The following DAPK2 variants were observed in gnomAD, a reference collection of about 807,000 sequenced individuals.
DAPK2 encodes the protein death-associated protein kinase 2.
Under a neutral mutation model 44.1 loss-of-function variants are expected in DAPK2, and 35 were observed. The observed-to-expected ratio is 0.79, with a 90% CI of 0.61 to 1.05. DAPK2 has a LOEUF of 1.05. DAPK2 is among the 50% of genes least tolerant of loss of function. The pLI is 0.00. For synonymous variants in DAPK2, 174 were observed against 182.6 expected, an observed-to-expected ratio of 0.95 and a Z score of 0.38; for missense variants, 453 against 483.2, an observed-to-expected ratio of 0.94 and a Z score of 0.59.
At chr15:64,004,346 G>A (rs2079171752) in intron 1 of DAPK2, among the ~76,000 whole-genome samples, 1 of 152,156 alleles carries the variant, frequency 6.6e-6, no homozygotes, top group Non-Finnish European at 1.5e-5. Context: ...GGTGCTGTGT[G>A]TTCCCATCAG....
rs114761548 is a variant in DAPK2 at position 63,992,633 on chromosome 15, C to T, written c.93-8879G>A. On this transcript the variant is annotated intron_variant, in intron 1 of 10. Coordinates refer to ENST00000261891, the Ensembl canonical transcript of DAPK2. ...TGTGGAGGCCCCAAATAACCTCTCA[C>T]CTTCACTCCCTCCCTATCAGGTTGT... Among the ~76,000 whole-genome samples the T allele has an allele frequency of 3.7e-3, 561 of 152,284 alleles. 3 individuals are homozygous for T. The highest frequency in any genetic ancestry group is 0.013 in the African/African-American group (539 of 41,552).
intron 3 of DAPK2, among the ~76,000 whole-genome samples, chr15:63,965,951 G>A (rs1205242045): frequency 6.6e-6 from 1 of 152,218 alleles, no homozygotes; most frequent in East Asian, 1.9e-4. Context: ...CTACCCCACT[G>A]TGGTCAAGCT....
At chr15:64,017,977 C>A (rs2141061839) in intron 1 of DAPK2, among the ~76,000 whole-genome samples, 1 of 152,312 alleles carries the variant, frequency 6.6e-6, no homozygotes, top group African/African-American at 2.4e-5. Context: ...CAAGGCACGA[C>A]TCTAGAGAAC....
At chr15:63,959,276 A>G (rs1595800548) in intron 3 of DAPK2, among the ~76,000 whole-genome samples, 1 of 152,134 alleles carries the variant, frequency 6.6e-6, no homozygotes, top group African/African-American at 2.4e-5. Context: ...GGGTTTTCTA[A>G]ATATACAATC....
At chr15:63,950,590 A>T (rs965488618) in intron 3 of DAPK2, among the ~76,000 whole-genome samples, 4 of 152,248 alleles carry the variant, frequency 2.6e-5, no homozygotes, top group East Asian at 1.9e-4. Context: ...TATTTTTTTT[A>T]TTTTTTATTT....
intron 6 of DAPK2, 60 bp from the exon 8 acceptor site, chr15:63,926,153 C>T (rs1030747442): frequency 7.8e-6 from 12 of 1,544,832 alleles, no homozygotes; most frequent in Admixed American, 3.7e-5. Flanking sequence ...ATGGGGATTA[C>T]GGACTCGGGG....
intron 1 of DAPK2, among the ~76,000 whole-genome samples, chr15:64,018,348 T>A (rs1282814022): frequency 6.6e-6 from 1 of 152,238 alleles, no homozygotes; most frequent in South Asian, 2.1e-4. Context: ...TGCCTCAGAC[T>A]CAGAAATTAG....
intron 3 of DAPK2, among the ~76,000 whole-genome samples, chr15:63,965,660 G>A (rs1040378789): frequency 5.9e-5 from 9 of 152,124 alleles, no homozygotes; most frequent in Non-Finnish European, 8.8e-5. Context: ...TGGTATCTAA[G>A]CCAGAAGACA....
chr15:64,045,561 T>C (rs1454800095), intron 1 of DAPK2, among the ~76,000 whole-genome samples: 2 of 152,208 alleles, frequency 1.3e-5, no homozygotes, highest in African/African-American at 4.8e-5. Flanking sequence ...ACCACTGCCT[T>C]ACCATTACCT....
chr15:63,915,385 C>T (rs2078900297), intron 8 of DAPK2, among the ~76,000 whole-genome samples: 1 of 152,236 alleles, frequency 6.6e-6, no homozygotes, highest in South Asian at 2.1e-4. Context: ...CTGATGTCTG[C>T]AATTCCCCTG....
In DAPK2 at chr15:63,948,467, C is replaced by G. The variant is rs529682921; in HGVS notation, c.454-9106G>C. Among the ~76,000 whole-genome samples the G allele has an allele frequency of 7.2e-5, 11 of 151,938 alleles. No homozygotes were observed. The East Asian group carries it at 7.7e-4, about 11-fold the overall frequency. Reference sequence around the variant, plus strand: ...GGAGAGAGAGGGGAGGTGCCTCACACTTTTAAACAACCTGATCTTGTGAGA... The same window carrying G: ...GGAGAGAGAGGGGAGGTGCCTCACAGTTTTAAACAACCTGATCTTGTGAGA... On this transcript the variant is annotated intron_variant, in intron 3 of 10. Coordinates refer to ENST00000261891, the Ensembl canonical transcript of DAPK2.
intron 3 of DAPK2, among the ~76,000 whole-genome samples, chr15:63,946,462 G>T (rs867998558): frequency 6.6e-6 from 1 of 152,212 alleles, no homozygotes; most frequent in African/African-American, 2.4e-5. Context: ...TCTATAAAAT[G>T]GGGGCAAAAC....
chr15:63,977,158 C>A (rs1361066146), intron 2 of DAPK2, among the ~76,000 whole-genome samples: 7 of 152,202 alleles, frequency 4.6e-5, no homozygotes. Flanking sequence ...TAAGATGGCA[C>A]ATTTGAGCAT....
chr15:63,978,294 G>T (rs1024703367), intron 2 of DAPK2, among the ~76,000 whole-genome samples: 2 of 152,172 alleles, frequency 1.3e-5, no homozygotes, highest in Non-Finnish European at 1.5e-5. Context: ...CTGCCAGGTT[G>T]TGTGGGCCTG....
chr15:64,034,046 C>T (rs12900153), intron 1 of DAPK2, among the ~76,000 whole-genome samples: 94,663 of 151,942 alleles, frequency 0.62, 29,822 homozygotes, highest in East Asian at 0.78. Context: ...CCTCGAATAA[C>T]TTCTATAATA....
chr15:64,036,338 C>CATATATATATATATGTATATATAT (rs1555484594), intron 1 of DAPK2, among the ~76,000 whole-genome samples: 6 of 42,988 alleles, frequency 1.4e-4, no homozygotes, highest in Admixed American at 3.5e-4. Context: ...TATATATATA[C>CATATATATATATATGTATATATAT]ATATATATAT....
intron 3 of DAPK2, among the ~76,000 whole-genome samples, chr15:63,961,030 C>T (rs1258210664): frequency 6.6e-6 from 1 of 152,118 alleles, no homozygotes; most frequent in African/African-American, 2.4e-5. Context: ...TCTGGGTGCT[C>T]CTGTATTGGT....
At chr15:64,024,696 C>T (rs557450646) in intron 1 of DAPK2, among the ~76,000 whole-genome samples, 1 of 152,292 alleles carries the variant, frequency 6.6e-6, no homozygotes, top group African/African-American at 2.4e-5. Flanking sequence ...GCCCTTCTCC[C>T]CTCTGCCCAG....
intron 10 of DAPK2, chr15:63,909,215 C>T (rs1596375651): frequency 6.6e-6 from 1 of 152,246 alleles, no homozygotes; most frequent in East Asian, 1.9e-4. Flanking sequence ...TCATGATGAT[C>T]TAATGTAATT....
Sources: gnomAD v4.1 joint callset for allele counts (sites outside exome capture counted in the v4.1 genomes callset) on GRCh38, gnomAD v4.1.1 for gene constraint, MANE v1.5 for transcripts, NCBI Gene and HGNC (gene_info 2026-07-23, HGNC 2026-07-21) for gene names.